Variants in RIPOR2 observed in about 807,000 individuals in gnomAD.
The protein encoded by RIPOR2 is rho family-interacting cell polarization regulator 2.
In RIPOR2, 39 loss-of-function variants were observed where a neutral mutation model predicts 114.5. The ratio of observed to expected loss-of-function variants is 0.34; its 90% CI spans 0.26 to 0.44. RIPOR2 has a LOEUF of 0.44. Among genes scored for constraint, RIPOR2 ranks in the 20% least tolerant of loss-of-function variants. The pLI is 1.00. For missense variants in RIPOR2, 1,007 were observed against 1,255.1 expected (o/e 0.80, Z 2.99); for synonymous variants, 445 against 484.4 (o/e 0.92, Z 1.07).
chr6:25,034,822 A>G (rs977691100), intron 1 of RIPOR2, among the ~76,000 whole-genome samples: 6 of 152,190 alleles, frequency 3.9e-5, no homozygotes, highest in Admixed American at 1.3e-4. Flanking sequence ...ATGTACATAC[A>G]AAGAGAGCAC....
intron 1 of RIPOR2, among the ~76,000 whole-genome samples, chr6:24,879,620 G>A (rs1278912176): frequency 2.0e-5 from 3 of 152,190 alleles, no homozygotes; most frequent in Non-Finnish European, 1.5e-5. Context: ...AAAGGAGGAG[G>A]TTGGGGCAGG....
chr6:24,896,016 A>T (rs1027642786), intron 1 of RIPOR2, among the ~76,000 whole-genome samples: 2 of 152,098 alleles, frequency 1.3e-5, no homozygotes, highest in Non-Finnish European at 2.9e-5. Flanking sequence ...AATAAATAAT[A>T]AAAAAATAAA....
chr6:25,026,867 C>T (rs9366597), intron 1 of RIPOR2, among the ~76,000 whole-genome samples: 31,933 of 152,078 alleles, frequency 0.21, 4,131 homozygotes, highest in East Asian at 0.59. Flanking sequence ...ACTCAAGTGC[C>T]CTCCAGTGGA....
chr6:24,841,600 A>G (rs1761720587), intron 13 of RIPOR2, among the ~76,000 whole-genome samples: 1 of 142,336 alleles, frequency 7.0e-6, no homozygotes. Context: ...CAGGCTACAT[A>G]TAAAAACAAT....
rs1486091306 is a variant in RIPOR2 at position 24,818,632 on chromosome 6, GAGA to G, written c.2869-10_2869-8del. On this transcript the variant is annotated splice_region_variant and splice_polypyrimidine_tract_variant and intron_variant, in intron 19 of 21. Transcript: ENST00000643898. ...CACAGTAATAGAGCAAGGCCTGAAA[GAGA>G]AGGAGGGACCTCATGAAGGCATTTT... The G allele has an allele frequency of 3.3e-6, 5 of 1,536,010 alleles. No individual in the cohort carries two copies. Among genetic ancestry groups the G allele is most frequent in the African/African-American group, 2.8e-5 (2 of 72,698 alleles).
intron 1 of RIPOR2, among the ~76,000 whole-genome samples, chr6:24,922,122 C>T (rs547738821): frequency 2.6e-5 from 4 of 152,128 alleles, no homozygotes; most frequent in South Asian, 4.1e-4. Context: ...TGAGCCACCA[C>T]GCCTGGCTGA....
At chr6:25,001,150 A>ATATG (rs1371973592) in intron 1 of RIPOR2, among the ~76,000 whole-genome samples, 2 of 152,236 alleles carry the variant, frequency 1.3e-5, no homozygotes, top group African/African-American at 4.8e-5. Flanking sequence ...ATGCTTATAC[A>ATATG]CATATTTATA....
upstream of RIPOR2, among the ~76,000 whole-genome samples, chr6:24,937,611 C>CT (rs1266287344): frequency 6.6e-6 from 1 of 152,144 alleles, no homozygotes; most frequent in African/African-American, 2.4e-5. Context: ...CTAAAGCTCT[C>CT]TTTTGTGTGG....
intron 1 of RIPOR2, chr6:24,947,827 C>G (rs1418477867): frequency 6.6e-6 from 1 of 152,078 alleles, no homozygotes; most frequent in African/African-American, 2.4e-5. Flanking sequence ...GAGATATTGC[C>G]TCAACTTTTA....
chr6:25,024,399 C>A (rs1776500921), intron 1 of RIPOR2: 7 of 1,196,738 alleles, frequency 5.8e-6, no homozygotes. Flanking sequence ...GACATCATAG[C>A]CTTGTTCCTT....
chr6:24,973,307 A>G (rs1773874965), intron 1 of RIPOR2, among the ~76,000 whole-genome samples: 1 of 152,118 alleles, frequency 6.6e-6, no homozygotes, highest in Admixed American at 6.6e-5. Context: ...ATCCAAAAGA[A>G]CATCATCCTT....
At chr6:24,929,254 C>T (rs1771192541) in intron 1 of RIPOR2, 1 of 151,400 alleles carries the variant, frequency 6.6e-6, no homozygotes. Flanking sequence ...GGCTACACAG[C>T]ACAAAGTAAA....
At chr6:24,835,611 C>A in intron 15 of RIPOR2, 92 bp downstream of exon 15, 1 of 1,327,084 alleles carries the variant, frequency 7.5e-7, no homozygotes, top group Non-Finnish European at 1.1e-6. Flanking sequence ...TTCCTGAATT[C>A]TCATTTCCCT....
At chr6:24,967,553 C>T (rs1773582295) in intron 1 of RIPOR2, among the ~76,000 whole-genome samples, 1 of 152,194 alleles carries the variant, frequency 6.6e-6, no homozygotes, top group Admixed American at 6.5e-5. Flanking sequence ...GGCCTTCTGA[C>T]ATGCCCTGGG....
At chr6:24,898,396 C>T (rs897109244) in intron 1 of RIPOR2, 2 of 152,146 alleles carry the variant, frequency 1.3e-5, no homozygotes, top group Non-Finnish European at 2.9e-5. Flanking sequence ...TCATCTTCAA[C>T]TCACCCTGCT....
At chr6:24,997,593 C>G (rs992316401) in intron 1 of RIPOR2, among the ~76,000 whole-genome samples, 2 of 152,138 alleles carry the variant, frequency 1.3e-5, no homozygotes, top group South Asian at 2.1e-4. Flanking sequence ...TGGCCCCTAC[C>G]CACTAGATGC....
At chr6:24,918,775 C>T (rs955612859) in intron 1 of RIPOR2, among the ~76,000 whole-genome samples, 12 of 152,262 alleles carry the variant, frequency 7.9e-5, no homozygotes, top group Admixed American at 3.9e-4. Flanking sequence ...GAACACACAC[C>T]GAAGCCATAA....
intron 1 of RIPOR2, among the ~76,000 whole-genome samples, chr6:24,935,222 G>A (rs1009933410): frequency 4.0e-5 from 6 of 149,418 alleles, no homozygotes; most frequent in Admixed American, 1.4e-4. Flanking sequence ...GCAGGAGAAT[G>A]ACTTGAACCC....
At chr6:24,901,661 A>G (rs1768449554) in intron 1 of RIPOR2, among the ~76,000 whole-genome samples, 1 of 152,184 alleles carries the variant, frequency 6.6e-6, no homozygotes, top group South Asian at 2.1e-4. Flanking sequence ...TGTAAGAGAA[A>G]ACGGTCATAC....
Sources: allele counts gnomAD v4.1 joint callset (sites outside exome capture counted in the v4.1 genomes callset), GRCh38; gene constraint gnomAD v4.1.1; transcripts MANE v1.5; gene names NCBI Gene and HGNC (gene_info 2026-07-23, HGNC 2026-07-21).